The following ALK variants were observed in gnomAD, a reference collection of about 807,000 sequenced individuals.
ALK encodes ALK tyrosine kinase receptor.
ALK carries 74 observed loss-of-function variants against 163.1 expected under a neutral mutation model. The ratio of observed to expected loss-of-function variants is 0.45; its 90% CI spans 0.38 to 0.55. The LOEUF is 0.55. Among genes scored for constraint, ALK ranks in the 20% least tolerant of loss-of-function variants. ALK has a pLI of 0.00. For synonymous variants in ALK, 960 were observed against 843.2 expected (o/e 1.14, Z -2.40); for missense variants, 2,063 against 2,105.3 (o/e 0.98, Z 0.39).
chr2:29,680,621 T>C (rs148044609), intron 3 of ALK, among the ~76,000 whole-genome samples: 115 of 152,226 alleles, frequency 7.6e-4, no homozygotes, highest in South Asian at 1.4e-3. Context: ...TCTTTAAACT[T>C]TTTTGTTGTT....
At chr2:29,400,781 C>G (rs909368450) in intron 4 of ALK, among the ~76,000 whole-genome samples, 2 of 152,092 alleles carry the variant, frequency 1.3e-5, no homozygotes, top group African/African-American at 4.8e-5. Flanking sequence ...TCGAGACCAG[C>G]CTGACCAACA....
chr2:29,750,480 T>C lies in ALK; in HGVS notation c.668-32783A>G, dbSNP rs564276134. Among the ~76,000 whole-genome samples the C allele has an allele frequency of 1.6e-4, 24 of 151,378 alleles. 1 individual carries two copies. Among genetic ancestry groups the C allele is most frequent in the African/African-American group, 5.6e-4 (23 of 41,250 alleles). On this transcript the variant is annotated intron_variant, in intron 1 of 28. Transcript: ENST00000389048. Reference sequence around the variant, plus strand: ...GAGTTTGAGAACAGCCTGGGCAACATAGTGAGACCCCATCTCTACAATAAA... The same window carrying C: ...GAGTTTGAGAACAGCCTGGGCAACACAGTGAGACCCCATCTCTACAATAAA...
intron 5 of ALK, among the ~76,000 whole-genome samples, chr2:29,351,201 T>A (rs1045257661): frequency 9.2e-5 from 14 of 152,340 alleles, no homozygotes; most frequent in African/African-American, 3.4e-4. Context: ...TAAAGATAGA[T>A]GAAAAATACT....
chr2:29,739,671 C>T (rs879303350), intron 1 of ALK, among the ~76,000 whole-genome samples: 7 of 151,914 alleles, frequency 4.6e-5, no homozygotes, highest in African/African-American at 1.7e-4. Context: ...TTAATATATT[C>T]GAGCCTCCTT....
At chr2:29,637,405 GA>G (rs1236200549) in intron 3 of ALK, among the ~76,000 whole-genome samples, 1 of 152,148 alleles carries the variant, frequency 6.6e-6, no homozygotes, top group Non-Finnish European at 1.5e-5. Context: ...ATGGAGAAGA[GA>G]TTAGTAGTTT....
rs564415908 is a variant in ALK at position 29,305,614 on chromosome 2, A to G, written c.1648-8557T>C. Among the ~76,000 whole-genome samples, 6 of 152,260 alleles carry G rather than the reference A, an allele frequency of 3.9e-5. 1 individual carries two copies. The Middle Eastern group carries it at 0.01, about 259-fold the overall frequency. On this transcript the variant is annotated intron_variant, in intron 8 of 28. Coordinates refer to ENST00000389048, the MANE Select transcript of ALK (RefSeq NM_004304.5). ...TTTTATGTAAATACCCATGCCAAGT[A>G]TACCCAGCTTGATCTTGGCAGTCAA... is the stretch of plus-strand genomic sequence containing the variant.
At chr2:29,218,546 C>G (rs1259043175) in intron 23 of ALK, among the ~76,000 whole-genome samples, 1 of 152,052 alleles carries the variant, frequency 6.6e-6, no homozygotes, top group African/African-American at 2.4e-5. Context: ...ATGCCTTTGT[C>G]TTTGAGAGAG....
At chr2:29,365,699 G>C (rs945283609) in intron 5 of ALK, among the ~76,000 whole-genome samples, 1 of 152,142 alleles carries the variant, frequency 6.6e-6, no homozygotes. Context: ...TACCAAAAAG[G>C]GTTGGGTATT....
chr2:29,740,529 T>G lies in ALK; in HGVS notation c.668-22832A>C, dbSNP rs1368864977. Among the ~76,000 whole-genome samples, 6 of 152,200 alleles carry G rather than the reference T, an allele frequency of 3.9e-5. No homozygotes were observed. The South Asian group carries it at 1.2e-3, about 32-fold the overall frequency. Reference sequence around the variant, plus strand: ...ACAATTCCTACCTGCTTCAAAGGACTATTGAAAGGAACATATTAAAAATGA... The same window carrying G: ...ACAATTCCTACCTGCTTCAAAGGACGATTGAAAGGAACATATTAAAAATGA... On this transcript the variant is annotated intron_variant, in intron 1 of 28. Coordinates refer to ENST00000389048, the MANE Select transcript of ALK (RefSeq NM_004304.5).
At chr2:29,876,697 T>C (rs903341883) in intron 1 of ALK, among the ~76,000 whole-genome samples, 3 of 139,038 alleles carry the variant, frequency 2.2e-5, no homozygotes, top group Non-Finnish European at 3.1e-5. Flanking sequence ...ATGGTGATGG[T>C]AGTGATGGTG....
chr2:29,347,404 A>G (rs1359220623), intron 5 of ALK, among the ~76,000 whole-genome samples: 1 of 152,210 alleles, frequency 6.6e-6, no homozygotes, highest in African/African-American at 2.4e-5. Context: ...AACACTGCAC[A>G]GGACCACTAA....
At chr2:29,781,180 C>G (rs1681321693) in intron 1 of ALK, among the ~76,000 whole-genome samples, 1 of 152,240 alleles carries the variant, frequency 6.6e-6, no homozygotes, top group African/African-American at 2.4e-5. Context: ...ACTATCCAGA[C>G]AGAGCATGAA....
rs138912702 is a variant in ALK, at chr2:29,317,240, G to A, written c.1647+1064C>T. On this transcript the variant is annotated intron_variant, in intron 8 of 28. Coordinates refer to ENST00000389048, the MANE Select transcript of ALK (RefSeq NM_004304.5). ...AACTTGACAGGAAACAAATTGCTCA[G>A]AGGGTGCATAGCTATTCCTGAAACT... 4.1e-3 allele frequency among the ~76,000 whole-genome samples: 631 copies of A among 152,302 alleles called. 6 individuals are homozygous for A. Among genetic ancestry groups the A allele is most frequent in the African/African-American group, 0.014 (584 of 41,560 alleles).
At chr2:29,773,324 C>T (rs2148345765) in intron 1 of ALK, among the ~76,000 whole-genome samples, 1 of 152,200 alleles carries the variant, frequency 6.6e-6, no homozygotes, top group East Asian at 1.9e-4. Flanking sequence ...AGCAATTGCT[C>T]AGGAATGAGG....
intron 11 of ALK, among the ~76,000 whole-genome samples, chr2:29,270,158 G>A (rs1055337351): frequency 3.9e-5 from 6 of 152,162 alleles, no homozygotes; most frequent in Non-Finnish European, 8.8e-5. Context: ...GATCCCTCTC[G>A]AAGACCTATT....
chr2:29,801,556 A>C (rs1219424952), intron 1 of ALK, among the ~76,000 whole-genome samples: 2 of 152,202 alleles, frequency 1.3e-5, no homozygotes, highest in African/African-American at 2.4e-5. Flanking sequence ...AGGATCAGGG[A>C]TGCCACACAA....
intron 4 of ALK, among the ~76,000 whole-genome samples, chr2:29,457,850 G>A (rs565486577): frequency 6.6e-6 from 1 of 152,066 alleles, no homozygotes; most frequent in Non-Finnish European, 1.5e-5. Context: ...GTTTAGAGAG[G>A]TTAGGTGCCT....
intron 1 of ALK, among the ~76,000 whole-genome samples, chr2:29,875,264 G>A (rs920803697): frequency 2.6e-5 from 4 of 152,100 alleles, no homozygotes; most frequent in Non-Finnish European, 5.9e-5. Context: ...GGGGGAATGG[G>A]GAGTCATTGC....
chr2:29,570,527 T>C (rs1674328489), intron 3 of ALK, among the ~76,000 whole-genome samples: 1 of 152,092 alleles, frequency 6.6e-6, no homozygotes, highest in Non-Finnish European at 1.5e-5. Flanking sequence ...ATTGTAAAGG[T>C]CAAACAGCCT....
Sources: gnomAD v4.1 joint callset for allele counts (sites outside exome capture counted in the v4.1 genomes callset) on GRCh38, gnomAD v4.1.1 for gene constraint, MANE v1.5 for transcripts, NCBI Gene and HGNC (gene_info 2026-07-23, HGNC 2026-07-21) for gene names.